Variants in DAPP1 observed in about 807,000 individuals in gnomAD.
DAPP1 encodes dual adapter for phosphotyrosine and 3-phosphotyrosine and 3-phosphoinositide.
In DAPP1, 20 loss-of-function variants were observed where a neutral mutation model predicts 41.5. The observed-to-expected ratio is 0.48, with a 90% CI of 0.34 to 0.70. The LOEUF (loss-of-function observed/expected upper bound fraction) is 0.70, where lower values mean the gene tolerates loss of function less well. Ranked by LOEUF, DAPP1 falls within the 30% of genes least tolerant of loss-of-function variation. DAPP1 has a pLI of 0.01. For missense variants in DAPP1, 233 were observed against 333.4 expected (o/e 0.70, Z 2.35); for synonymous variants, 113 against 116.2 (o/e 0.97, Z 0.18).
chr4:99,826,336 A>G (rs1722936399), intron 1 of DAPP1, among the ~76,000 whole-genome samples: 2 of 152,230 alleles, frequency 1.3e-5, no homozygotes, highest in Non-Finnish European at 2.9e-5. Context: ...AAAATTTTCT[A>G]AAGAAGAATG....
At chr4:99,836,533 A>G (rs979901185) in intron 2 of DAPP1, among the ~76,000 whole-genome samples, 2 of 152,078 alleles carry the variant, frequency 1.3e-5, no homozygotes, top group African/African-American at 4.8e-5. Flanking sequence ...CCCACCCATT[A>G]AGCTCAAACT....
chr4:99,853,363 A>G lies in DAPP1; in HGVS notation c.489+15A>G, dbSNP rs757821465. 11 of 1,599,470 alleles carry G rather than the reference A, an allele frequency of 6.9e-6. No homozygotes were observed. The African/African-American group carries it at 1.3e-4, about 20-fold the overall frequency. On this transcript the variant is annotated intron_variant, in intron 4 of 8. Coordinates refer to ENST00000512369, the MANE Select transcript of DAPP1 (RefSeq NM_014395.3). Reference sequence around the variant, plus strand: ...CAGCACCTTCTGTAAGTGACCTTCAACGTGACCACAAGCTCTCTCCCTGTC... The same window carrying G: ...CAGCACCTTCTGTAAGTGACCTTCAGCGTGACCACAAGCTCTCTCCCTGTC...
intron 4 of DAPP1, among the ~76,000 whole-genome samples, chr4:99,860,234 A>C (rs1051042416): frequency 6.6e-6 from 1 of 152,230 alleles, no homozygotes; most frequent in Admixed American, 6.5e-5. Flanking sequence ...TGGCTTACCT[A>C]TCAAAACCTT....
chr4:99,840,519 A>G lies in DAPP1; in HGVS notation c.358+97A>G, dbSNP rs1723459517. 5 of 1,328,248 alleles carry G rather than the reference A, an allele frequency of 3.8e-6. No homozygotes were observed. In the African/African-American group the frequency reaches 7.3e-5, roughly 20 times the overall value. 82.3% of individuals were successfully genotyped at this position (1,328,248 alleles called of 1,614,324 possible). On this transcript the variant is annotated intron_variant, in intron 3 of 8. Coordinates refer to ENST00000512369, the MANE Select transcript of DAPP1 (RefSeq NM_014395.3). ...TTTAAGAATGTCATTGTTGTCATTTATATTTCAGCATTATCTTGAAGAGAA... is the reference window on the plus strand; with the variant it reads ...TTTAAGAATGTCATTGTTGTCATTTGTATTTCAGCATTATCTTGAAGAGAA...
At chr4:99,818,813 G>A (rs887929387) in intron 1 of DAPP1, among the ~76,000 whole-genome samples, 3 of 152,188 alleles carry the variant, frequency 2.0e-5, no homozygotes, top group Admixed American at 1.3e-4. Flanking sequence ...CTGCTCTACA[G>A]TCCTGGTTCT....
Position 99,840,428 on chromosome 4 carries a change from C to CT in DAPP1, c.358+7dup, listed in dbSNP as rs1341786603. ...TTTGATTGGAAGCGAGACAGGTAAG[C>CT]TATGAGCAGACACTTGACTTATGAA... On this transcript the variant is annotated splice_region_variant and intron_variant, in intron 3 of 8. Coordinates refer to ENST00000512369, the MANE Select transcript of DAPP1 (RefSeq NM_014395.3). 3 of 1,608,984 alleles carry CT rather than the reference C, an allele frequency of 1.9e-6. No individual in the cohort carries two copies. Among genetic ancestry groups the CT allele is most frequent in the Non-Finnish European group, 2.5e-6 (3 of 1,178,466 alleles).
chr4:99,825,124 A>G lies in DAPP1; in HGVS notation c.101+8110A>G, dbSNP rs544691428. On this transcript the variant is annotated intron_variant, in intron 1 of 8. Coordinates refer to ENST00000512369, the MANE Select transcript of DAPP1 (RefSeq NM_014395.3). ...CTCCTGGATCACTCTTTGGGTCTGC[A>G]TGTGCATTCCCTAAGTCTCTGTCCC... Among the ~76,000 whole-genome samples, 4 of 152,158 alleles carry G rather than the reference A, an allele frequency of 2.6e-5. No homozygotes were observed. The South Asian group carries it at 8.3e-4, about 32-fold the overall frequency.
intron 1 of DAPP1, among the ~76,000 whole-genome samples, chr4:99,834,445 T>C (rs555930260): frequency 6.6e-6 from 1 of 152,216 alleles, no homozygotes; most frequent in East Asian, 1.9e-4. Flanking sequence ...ACAAATATCA[T>C]TTTGAATCTC....
chr4:99,823,962 AT>A (rs1722856568), intron 1 of DAPP1, among the ~76,000 whole-genome samples: 1 of 152,360 alleles, frequency 6.6e-6, no homozygotes, highest in Non-Finnish European at 1.5e-5. Flanking sequence ...TATCAAAGAA[AT>A]TTTGAAAACC....
At chr4:99,828,343 A>G (rs575964175) in intron 1 of DAPP1, among the ~76,000 whole-genome samples, 25 of 152,316 alleles carry the variant, frequency 1.6e-4, no homozygotes, top group African/African-American at 5.8e-4. Flanking sequence ...CTATAGAAAG[A>G]TAGGTGTTAC....
Position 99,866,054 on chromosome 4 carries a change from C to T in DAPP1, c.707C>T (p.Thr236Ile), listed in dbSNP as rs751687566. 1.9e-6 allele frequency: 3 copies of T among 1,570,520 alleles called. No individual in the cohort carries two copies. The highest frequency in any genetic ancestry group is 1.7e-6 in the Non-Finnish European group (2 of 1,154,116). ...ATTAGTTTGGTATTTCCATTCAGGA[C>T]ATTTTATCTCTGTGCAAAGACCGGA... ...NCFCLVFPFR[T>I]FYLCAKTGVE... The change falls in exon 8 of 9, where the codon ACA becomes ATA. Residue 236 changes from threonine to isoleucine, a missense_variant. Coordinates refer to ENST00000512369, the MANE Select transcript of DAPP1 (RefSeq NM_014395.3).
chr4:99,848,055 G>T (rs1304433522), intron 3 of DAPP1, among the ~76,000 whole-genome samples: 2 of 151,570 alleles, frequency 1.3e-5, no homozygotes, highest in African/African-American at 4.9e-5. Flanking sequence ...CTCATGATCC[G>T]CCCCCTCGGC....
At chr4:99,835,204 TCAC>T (rs1176556532) in intron 1 of DAPP1, among the ~76,000 whole-genome samples, 1 of 152,000 alleles carries the variant, frequency 6.6e-6, no homozygotes, top group Non-Finnish European at 1.5e-5. Flanking sequence ...AGACGGGGTG[TCAC>T]CATGTTGGCC....
chr4:99,868,167 G>C lies in DAPP1; in HGVS notation c.825G>C (p.Arg275=), dbSNP rs771128313. 1.9e-5 allele frequency: 30 copies of C among 1,613,842 alleles called. No homozygotes were observed. Among genetic ancestry groups the C allele is most frequent in the Middle Eastern group, 1.6e-4 (1 of 6,084 alleles). ...LNQGEGTIRS[R]SFIFK Reference sequence around the variant, plus strand: ...AAGGGGAAGGCACGATCCGATCTCGGTCGTTCATCTTTAAATAGATCTTTC... The same window carrying C: ...AAGGGGAAGGCACGATCCGATCTCGCTCGTTCATCTTTAAATAGATCTTTC... Residue 275 remains arginine (R), a synonymous_variant, in exon 9 of 9, where the codon CGG becomes CGC. Coordinates refer to ENST00000512369, the MANE Select transcript of DAPP1 (RefSeq NM_014395.3).
At chr4:99,856,631 T>C (rs1487531133) in intron 4 of DAPP1, among the ~76,000 whole-genome samples, 1 of 152,188 alleles carries the variant, frequency 6.6e-6, no homozygotes, top group Non-Finnish European at 1.5e-5. Flanking sequence ...ACTACTATCA[T>C]GCGTGAGTGT....
At chr4:99,839,486 A>G (rs1723424379) in intron 2 of DAPP1, among the ~76,000 whole-genome samples, 1 of 151,658 alleles carries the variant, frequency 6.6e-6, no homozygotes, top group African/African-American at 2.4e-5. Flanking sequence ...AATGTAGGAA[A>G]TTTGATATTT....
intron 1 of DAPP1, among the ~76,000 whole-genome samples, chr4:99,819,570 C>T (rs141920715): frequency 5.7e-4 from 87 of 152,230 alleles, no homozygotes; most frequent in African/African-American, 2.1e-3. Context: ...TTCTTTGAAC[C>T]TTTAACCACT....
intron 3 of DAPP1, among the ~76,000 whole-genome samples, chr4:99,853,014 G>A (rs1437166637): frequency 2.6e-5 from 4 of 152,072 alleles, no homozygotes; most frequent in Non-Finnish European, 5.9e-5. Context: ...AGGAGGCCAA[G>A]GAACATCTCC....
At chr4:99,865,743 C>T (rs1372679812) in intron 7 of DAPP1, 1 of 151,108 alleles carries the variant, frequency 6.6e-6, no homozygotes, top group African/African-American at 2.4e-5. Context: ...CGAGTATATA[C>T]ATCTGACTTG....
Sources: gnomAD v4.1 joint callset for allele counts (sites outside exome capture counted in the v4.1 genomes callset) on GRCh38, gnomAD v4.1.1 for gene constraint, MANE v1.5 for transcripts, NCBI Gene and HGNC (gene_info 2026-07-23, HGNC 2026-07-21) for gene names.